PTPN3: variants seen among roughly 807,000 people sequenced by gnomAD.
PTPN3 encodes tyrosine-protein phosphatase non-receptor type 3.
A neutral mutation model predicts 132.7 loss-of-function variants in PTPN3; 96 were observed. The ratio of observed to expected loss-of-function variants is 0.72; its 90% confidence interval spans 0.61 to 0.86. The LOEUF is 0.86. PTPN3 is among the 40% of genes least tolerant of loss of function. PTPN3 has a pLI of 0.00. For missense variants in PTPN3, 1,125 were observed against 1,159.6 expected (o/e 0.97, Z 0.43); for synonymous variants, 398 against 429.0 (o/e 0.93, Z 0.89).
chr9:109,505,633 A>G, the PTPN3 span, among the ~76,000 whole-genome samples: 2 of 152,178 alleles, frequency 1.3e-5, no homozygotes, highest in South Asian at 2.1e-4. Flanking sequence ...ATGACCTCCA[A>G]TATACGTACA....
At chr9:109,529,656 A>G in the PTPN3 span, among the ~76,000 whole-genome samples, 6 of 152,136 alleles carry the variant, frequency 3.9e-5, no homozygotes, top group African/African-American at 1.4e-4. Flanking sequence ...TAATTGGCAA[A>G]ATACACGTAA....
chr9:109,530,257 AC>A, the PTPN3 span, among the ~76,000 whole-genome samples: 1 of 151,896 alleles, frequency 6.6e-6, no homozygotes, highest in Non-Finnish European at 1.5e-5. Flanking sequence ...ACTTCCATCA[AC>A]CCTTGGCAAC....
chr9:109,431,919 G>A (rs549484486), intron 10 of PTPN3, among the ~76,000 whole-genome samples: 52 of 151,898 alleles, frequency 3.4e-4, no homozygotes, highest in African/African-American at 1.3e-3. Context: ...GAGTTTAAAG[G>A]AGATAAATCA....
intron 13 of PTPN3, among the ~76,000 whole-genome samples, 171 bp downstream of exon 13, chr9:109,422,547 A>G (rs920194128): frequency 6.6e-6 from 1 of 152,192 alleles, no homozygotes; most frequent in African/African-American, 2.4e-5. Context: ...CACGATGGAA[A>G]ACATTTAGCT....
At chr9:109,537,204 G>A in the PTPN3 span, among the ~76,000 whole-genome samples, 5 of 152,118 alleles carry the variant, frequency 3.3e-5, no homozygotes, top group Admixed American at 2.6e-4. Context: ...AAGTAATAGA[G>A]GGGTCCTTAA....
At chr9:109,388,046 G>A (rs1839748594) in intron 22 of PTPN3, among the ~76,000 whole-genome samples, 1 of 152,190 alleles carries the variant, frequency 6.6e-6, no homozygotes, top group African/African-American at 2.4e-5. Flanking sequence ...GGGAGCGGGG[G>A]TGGACTCCAG....
Position 109,383,432 on chromosome 9 carries a change from T to A in PTPN3, c.2373A>T (p.Thr791=), listed in dbSNP as rs554731940. 7 of 1,613,920 alleles carry A rather than the reference T, an allele frequency of 4.3e-6. No homozygotes were observed. In the East Asian group the frequency reaches 1.6e-4, roughly 36 times the overall value. ...IAYVSREMLV[T]NTQTGEEHTV... ...TCAGGCTGCGGCTCACCTGGGTGTTTGTGACCAGCATTTCTCGGGACACAT... is the reference window on the plus strand; with the variant it reads ...TCAGGCTGCGGCTCACCTGGGTGTTAGTGACCAGCATTTCTCGGGACACAT... The change falls in exon 23 of 26, where the codon ACA becomes ACT. Residue 791 remains threonine (T), a synonymous_variant. Transcript: ENST00000374541.
intron 1 of PTPN3, among the ~76,000 whole-genome samples, chr9:109,463,828 G>C (rs1004220489): frequency 3.3e-5 from 5 of 152,138 alleles, no homozygotes; most frequent in Non-Finnish European, 5.9e-5. Flanking sequence ...AATGTGAAAA[G>C]ACTCATTGAT....
At chr9:109,418,335 G>T (rs907940654) in intron 14 of PTPN3, among the ~76,000 whole-genome samples, 1 of 152,214 alleles carries the variant, frequency 6.6e-6, no homozygotes, top group African/African-American at 2.4e-5. Context: ...TAAAGTGCCT[G>T]CATGTCATTG....
intron 17 of PTPN3, among the ~76,000 whole-genome samples, chr9:109,407,252 T>C (rs1324504727): frequency 6.6e-6 from 1 of 152,128 alleles, no homozygotes; most frequent in East Asian, 1.9e-4. Context: ...CCAGGTGAGG[T>C]GGGACACACC....
chr9:109,416,446 TGTTTC>T lies in PTPN3; in HGVS notation c.1313+3973_1313+3977del, dbSNP rs775922180. On this transcript the variant is annotated intron_variant, in intron 14 of 25. Transcript: ENST00000374541. ...AGAAGTTTTTTGTTTTTTGTTTTTT[TGTTTC>T]TTTTTTTTTTTTTTGACAGGGTCTC... Among the ~76,000 whole-genome samples the T allele has an allele frequency of 1.4e-3, 193 of 141,444 alleles. 1 individual carries two copies. Among genetic ancestry groups the T allele is most frequent in the East Asian group, 7.2e-3 (28 of 3,868 alleles). 92.8% of individuals were successfully genotyped at this position (141,444 alleles called of 152,430 possible).
At position 109,376,777 on chromosome 9, in the gene PTPN3, C is replaced by T. The variant is rs995343258; in HGVS notation, c.*2779G>A. ...GTGTATAAGGTGGTGAAACAGGAAT[C>T]TTGAGCTACGGATTTTAAGTGGTAA... On this transcript the variant is annotated 3_prime_UTR_variant, in exon 26 of 26. Coordinates refer to ENST00000374541, the MANE Select transcript of PTPN3 (RefSeq NM_002829.4). The T allele has an allele frequency of 6.6e-6, 1 of 152,242 alleles. No individual in the cohort carries two copies. 9.4% of individuals were successfully genotyped at this position (152,242 alleles called of 1,614,324 possible). A position where few individuals can be genotyped will look rare whatever the true frequency, so the allele number is the denominator to read the frequency against.
At chr9:109,484,738 G>A (rs959344567) in intron 1 of PTPN3, among the ~76,000 whole-genome samples, 5 of 152,114 alleles carry the variant, frequency 3.3e-5, no homozygotes, top group African/African-American at 9.7e-5. Flanking sequence ...CATCTACCTG[G>A]GACTTGCTTC....
chr9:109,532,944 GTTTTTTTTTTTTTTTTTTT>G, the PTPN3 span: 3 of 306,530 alleles, frequency 9.8e-6, no homozygotes, highest in Non-Finnish European at 1.3e-5. Flanking sequence ...TCTTTTCTGG[GTTTTTTTTTTTTTTTTTTT>G]TTTTTTTTTG....
At position 109,433,066 on chromosome 9, in the gene PTPN3, C is replaced by T. The variant is rs765800138; in HGVS notation, c.764+7G>A. 26 of 1,613,616 alleles carry T rather than the reference C, an allele frequency of 1.6e-5. No homozygotes were observed. The South Asian group carries it at 2.6e-4, about 16-fold the overall frequency. Reference sequence around the variant, plus strand: ...TTCAGAAAATAATGAGAACTGTTTGCACTTACCAAGGATAGAAACTTGTGC... The same window carrying T: ...TTCAGAAAATAATGAGAACTGTTTGTACTTACCAAGGATAGAAACTTGTGC... On this transcript the variant is annotated splice_region_variant and intron_variant, in intron 10 of 25. Coordinates refer to ENST00000374541, the MANE Select transcript of PTPN3 (RefSeq NM_002829.4).
intron 7 of PTPN3, among the ~76,000 whole-genome samples, chr9:109,439,490 T>C (rs540379334): frequency 3.5e-4 from 53 of 152,298 alleles, no homozygotes; most frequent in African/African-American, 1.2e-3. Context: ...GATTTCCAAA[T>C]CAAATAACTC....
intron 5 of PTPN3, among the ~76,000 whole-genome samples, chr9:109,452,867 A>T (rs1845346220): frequency 1.3e-5 from 2 of 152,152 alleles, no homozygotes; most frequent in Admixed American, 1.3e-4. Context: ...CCTGGCCCAG[A>T]GTGTGTTATT....
chr9:109,398,676 G>T (rs1417142516), intron 19 of PTPN3, among the ~76,000 whole-genome samples: 1 of 152,206 alleles, frequency 6.6e-6, no homozygotes, highest in Non-Finnish European at 1.5e-5. Flanking sequence ...CAGTGGGCAA[G>T]GAGGTAGGGA....
Position 109,457,369 on chromosome 9 carries a change from T to C in PTPN3, c.169A>G (p.Met57Val). 1.2e-6 allele frequency: 2 copies of C among 1,614,038 alleles called. No individual in the cohort carries two copies. Among genetic ancestry groups the C allele is most frequent in the South Asian group, 1.1e-5 (1 of 90,996 alleles). The change falls in exon 3 of 26, where the codon ATG becomes GTG. Residue 57 changes from methionine (M) to valine (V), a missense_variant. Physicochemically the swap from Met to Val is conservative, Grantham distance 21. Transcript: ENST00000374541. ...KQDTGQVLLDMVHNHLGVTEK... is the reference protein window; with the variant it reads ...KQDTGQVLLDVVHNHLGVTEK... ...GTCACACCCAGGTGGTTGTGCACCA[T>C]ATCCAGAAGAACCTGGCCAGTGTCT... is the stretch of plus-strand genomic sequence containing the variant.
Sources: allele counts gnomAD v4.1 joint callset (sites outside exome capture counted in the v4.1 genomes callset), GRCh38; gene constraint gnomAD v4.1.1; transcripts MANE v1.5; gene names NCBI Gene and HGNC (gene_info 2026-07-23, HGNC 2026-07-21).